The following ARHGAP42 variants were observed in gnomAD, a reference collection of about 807,000 sequenced individuals.
ARHGAP42 encodes the protein Rho GTPase activating protein 42, also known as rho GTPase-activating protein 42.
Under a neutral mutation model 125.0 loss-of-function variants are expected in ARHGAP42, and 63 were observed. That is an observed-to-expected ratio of 0.50 (90% confidence interval 0.41 to 0.62). ARHGAP42 has a LOEUF of 0.62. ARHGAP42 is among the 20% of genes least tolerant of loss of function. ARHGAP42 has a pLI of 0.00. For missense variants in ARHGAP42, 766 were observed against 1,024.2 expected (o/e 0.75, Z 3.44); for synonymous variants, 339 against 351.0 (o/e 0.97, Z 0.38).
intron 1 of ARHGAP42, among the ~76,000 whole-genome samples, chr11:100,758,249 G>A (rs561111092): frequency 6.6e-6 from 1 of 152,168 alleles, no homozygotes; most frequent in South Asian, 2.1e-4. Context: ...TCTTTGCTTG[G>A]GTAAACAGAT....
At chr11:100,855,226 T>TG (rs1435955156) in intron 3 of ARHGAP42, among the ~76,000 whole-genome samples, 2 of 152,170 alleles carry the variant, frequency 1.3e-5, no homozygotes, top group African/African-American at 4.8e-5. Flanking sequence ...AGTGTTTTAT[T>TG]GCTTTGAAAA....
chr11:100,693,100 GCTT>G (rs2120172390), intron 1 of ARHGAP42, among the ~76,000 whole-genome samples: 1 of 151,292 alleles, frequency 6.6e-6, no homozygotes, highest in East Asian at 1.9e-4. Flanking sequence ...TCATCCTTTA[GCTT>G]CTTGTAAGAA....
At chr11:100,808,395 CTT>C (rs398045483) in intron 3 of ARHGAP42, among the ~76,000 whole-genome samples, 1 of 118,776 alleles carries the variant, frequency 8.4e-6, no homozygotes, top group Non-Finnish European at 1.7e-5. Context: ...TAAATTCACT[CTT>C]TTTTTTTTTT....
rs1228073066 is a variant in ARHGAP42 at position 100,989,866 on chromosome 11, G to C, written c.*1065G>C. On this transcript the variant is annotated 3_prime_UTR_variant, in exon 24 of 24. Coordinates refer to ENST00000298815, the MANE Select transcript of ARHGAP42 (RefSeq NM_152432.4). Reference sequence around the variant, plus strand: ...CTATGCCTTCTGAAGTCTATCCTTAGTTGAAACAGAAAATAAACACAAAGG... The same window carrying C: ...CTATGCCTTCTGAAGTCTATCCTTACTTGAAACAGAAAATAAACACAAAGG... The C allele has an allele frequency of 1.3e-5, 2 of 152,154 alleles. No individual in the cohort carries two copies. The highest frequency in any genetic ancestry group is 6.6e-5 in the Admixed American group (1 of 15,252). 9.4% of individuals were successfully genotyped at this position (152,154 alleles called of 1,614,324 possible). A position where few individuals can be genotyped will look rare whatever the true frequency, so the allele number is the denominator to read the frequency against.
chr11:100,879,115 A>G (rs544338505), intron 4 of ARHGAP42, among the ~76,000 whole-genome samples: 1 of 152,254 alleles, frequency 6.6e-6, no homozygotes, highest in Admixed American at 6.5e-5. Flanking sequence ...ATCAACTAGG[A>G]TCTTATTAGA....
chr11:100,705,550 T>C (rs572504291), intron 1 of ARHGAP42, among the ~76,000 whole-genome samples: 114 of 152,328 alleles, frequency 7.5e-4, no homozygotes, highest in African/African-American at 2.6e-3. Flanking sequence ...GTACAATTTA[T>C]GGTACTCGGT....
intron 2 of ARHGAP42, among the ~76,000 whole-genome samples, chr11:100,787,713 A>G (rs1863469114): frequency 6.6e-6 from 1 of 152,162 alleles, no homozygotes; most frequent in African/African-American, 2.4e-5. Context: ...GGCACTGGGA[A>G]CAGGGGCTGA....
chr11:100,992,800 C>A lies in ARHGAP42; in HGVS notation c.*3999C>A. On this transcript the variant is annotated 3_prime_UTR_variant, in exon 24 of 24. Transcript: ENST00000298815. ...AAAGAATCTTACATAAGAATGTTGACAACATTCACAGTAAGCCATTGGCAG... is the reference window on the plus strand; with the variant it reads ...AAAGAATCTTACATAAGAATGTTGAAAACATTCACAGTAAGCCATTGGCAG... 1 of 1,344,922 alleles carries A rather than the reference C, an allele frequency of 7.4e-7. No homozygotes were observed. 83.3% of individuals were successfully genotyped at this position (1,344,922 alleles called of 1,614,324 possible).
chr11:100,931,504 T>C (rs1341839647), intron 6 of ARHGAP42, among the ~76,000 whole-genome samples: 1 of 152,232 alleles, frequency 6.6e-6, no homozygotes, highest in East Asian at 1.9e-4. Context: ...GAAAGATTTA[T>C]CACAGATATT....
At chr11:100,837,402 C>T (rs1591224124) in intron 3 of ARHGAP42, among the ~76,000 whole-genome samples, 1 of 151,702 alleles carries the variant, frequency 6.6e-6, no homozygotes, top group Admixed American at 6.6e-5. Flanking sequence ...GTTTTGTTGT[C>T]CGTAAGGCTA....
intron 1 of ARHGAP42, among the ~76,000 whole-genome samples, chr11:100,695,723 G>A (rs930456897): frequency 3.9e-5 from 6 of 152,252 alleles, no homozygotes; most frequent in East Asian, 1.9e-4. Flanking sequence ...TGTTTTGGTG[G>A]AACACAAATA....
At chr11:100,867,348 G>A (rs943046490) in intron 4 of ARHGAP42, among the ~76,000 whole-genome samples, 1 of 152,182 alleles carries the variant, frequency 6.6e-6, no homozygotes, top group African/African-American at 2.4e-5. Context: ...CTGTTGTTTG[G>A]TGTAGCCACC....
chr11:100,883,285 T>A (rs1866003208), intron 4 of ARHGAP42, among the ~76,000 whole-genome samples: 1 of 152,212 alleles, frequency 6.6e-6, no homozygotes, highest in Non-Finnish European at 1.5e-5. Flanking sequence ...ATTTTTGATA[T>A]CCCTAGTGCC....
At chr11:100,944,448 A>G (rs1387514148) in intron 10 of ARHGAP42, among the ~76,000 whole-genome samples, 3 of 152,138 alleles carry the variant, frequency 2.0e-5, no homozygotes, top group Admixed American at 6.6e-5. Context: ...TCCATGATCT[A>G]TCTTTCTTCT....
At chr11:100,749,296 C>T (rs1862383637) in intron 1 of ARHGAP42, among the ~76,000 whole-genome samples, 1 of 151,590 alleles carries the variant, frequency 6.6e-6, no homozygotes, top group African/African-American at 2.4e-5. Flanking sequence ...GATGTCTTGC[C>T]TTGCCTGCCC....
chr11:100,896,001 C>G (rs376582340), intron 4 of ARHGAP42, among the ~76,000 whole-genome samples: 13 of 152,264 alleles, frequency 8.5e-5, no homozygotes, highest in African/African-American at 3.1e-4. Context: ...GGCCCCCACA[C>G]TCCCTGAAAG....
At chr11:100,974,639 A>G in intron 19 of ARHGAP42, 36 bp downstream of exon 19, 2 of 1,525,382 alleles carry the variant, frequency 1.3e-6, no homozygotes, top group Non-Finnish European at 1.8e-6. Context: ...TGCTTTCTTC[A>G]TTCTTTGGTT....
intron 1 of ARHGAP42, among the ~76,000 whole-genome samples, chr11:100,764,289 G>A (rs149936548): frequency 1.5e-4 from 23 of 152,190 alleles, no homozygotes; most frequent in Middle Eastern, 3.4e-3. Flanking sequence ...CTCCCAAAGC[G>A]TTGAGATTAC....
intron 2 of ARHGAP42, among the ~76,000 whole-genome samples, chr11:100,779,547 TATACATATAC>T (rs1377793491): frequency 2.2e-5 from 3 of 137,644 alleles, no homozygotes; most frequent in South Asian, 2.3e-4. Context: ...TACGTATATA[TATACATATAC>T]ATACGTATAT....
Sources: gnomAD v4.1 joint callset for allele counts (sites outside exome capture counted in the v4.1 genomes callset) on GRCh38, gnomAD v4.1.1 for gene constraint, MANE v1.5 for transcripts, NCBI Gene and HGNC (gene_info 2026-07-23, HGNC 2026-07-21) for gene names.